AOX1: variants seen among roughly 807,000 people sequenced by gnomAD.
The protein encoded by AOX1 is aldehyde oxidase 1.
In AOX1, 153 loss-of-function variants were observed where a neutral mutation model predicts 169.5. The observed-to-expected ratio is 0.90, with a 90% CI of 0.79 to 1.03. The LOEUF (loss-of-function observed/expected upper bound fraction) is 1.03. Ranked by LOEUF, AOX1 falls within the 50% of genes least tolerant of loss-of-function variation. The probability of loss-of-function intolerance (pLI) is 0.00; values close to 1 mark genes in which losing one functional copy is unlikely to be tolerated. For missense variants in AOX1, 1,656 were observed against 1,663.9 expected (o/e 1.00, Z 0.08); for synonymous variants, 562 against 581.9 (o/e 0.97, Z 0.49).
intron 26 of AOX1, among the ~76,000 whole-genome samples, chr2:200,652,102 G>A (rs1475187064): frequency 1.3e-5 from 2 of 152,270 alleles, no homozygotes; most frequent in African/African-American, 2.4e-5. Flanking sequence ...GGGGAGCTTC[G>A]AGAGGGGCGT....
intron 29 of AOX1, among the ~76,000 whole-genome samples, chr2:200,660,567 T>C (rs1307752350): frequency 6.6e-6 from 1 of 152,224 alleles, no homozygotes; most frequent in Non-Finnish European, 1.5e-5. Flanking sequence ...CTTCCTTTGA[T>C]CTGCTTATAA....
intron 20 of AOX1, among the ~76,000 whole-genome samples, chr2:200,629,029 C>T (rs1274545509): frequency 1.3e-5 from 2 of 152,198 alleles, no homozygotes; most frequent in African/African-American, 2.4e-5. Context: ...AGACACATCC[C>T]ATCCTGAGTG....
Position 200,593,182 on chromosome 2 carries a change from T to C in AOX1, c.82T>C (p.Leu28=). 1 of 1,613,816 alleles carries C rather than the reference T, an allele frequency of 6.2e-7. No individual in the cohort carries two copies. The highest frequency in any genetic ancestry group is 1.1e-5 in the South Asian group (1 of 91,070). ...EKNVDPETML[L]PYLRKKLRLT... is the part of the protein sequence containing the mutation. ...AAATGTCGATCCTGAAACAATGCTG[T>C]TGCCTTATTTGAGGAAGAAGCGTAT... Residue 28 remains leucine (L), a synonymous_variant, in exon 2 of 35, where the codon TTG becomes CTG. Coordinates refer to ENST00000374700, the MANE Select transcript of AOX1 (RefSeq NM_001159.4).
At chr2:200,588,685 T>A (rs2034090920) in intron 1 of AOX1, among the ~76,000 whole-genome samples, 1 of 147,398 alleles carries the variant, frequency 6.8e-6, no homozygotes, top group East Asian at 2.0e-4. Context: ...CGGTACTTAA[T>A]AAACAAGCCT....
intron 20 of AOX1, among the ~76,000 whole-genome samples, chr2:200,627,969 C>T (rs1333605470): frequency 6.6e-6 from 1 of 152,084 alleles, no homozygotes; most frequent in Non-Finnish European, 1.5e-5. Context: ...CTTCCTCTTC[C>T]CTTCCCTTTC....
chr2:200,603,371 A>G lies in AOX1; in HGVS notation c.588+15A>G, dbSNP rs201052951. The stretch of plus-strand genomic sequence containing the variant: ...AAGGAAGTAAGGTCAGTGAAATGTA[A>G]AGCTTTTATAAGGCTTTCTCAGGAC... On this transcript the variant is annotated intron_variant, in intron 7 of 34. Transcript: ENST00000374700. 102 of 1,594,610 alleles carry G rather than the reference A, an allele frequency of 6.4e-5. No individual in the cohort carries two copies. In the African/African-American group the frequency reaches 1.3e-3, roughly 20 times the overall value.
Position 200,670,744 on chromosome 2 carries a change from G to A in AOX1, c.*65G>A. The A allele has an allele frequency of 7.7e-7, 1 of 1,296,278 alleles. No individual in the cohort carries two copies. The highest frequency in any genetic ancestry group is 2.3e-5 in the East Asian group (1 of 42,920). The allele number at this position is 1,296,278 out of a possible 1,614,324, so 80.3% of individuals were successfully genotyped here. On this transcript the variant is annotated 3_prime_UTR_variant, in exon 35 of 35. Transcript: ENST00000374700. Reference sequence around the variant, plus strand: ...CCAGATGGCAATCTGTCCTATCTCTGTGCTGGAAGATGCTAGATCTGAAAG... The same window carrying A: ...CCAGATGGCAATCTGTCCTATCTCTATGCTGGAAGATGCTAGATCTGAAAG...
intron 1 of AOX1, among the ~76,000 whole-genome samples, chr2:200,586,733 G>C (rs2034041957): frequency 6.6e-6 from 1 of 152,220 alleles, no homozygotes; most frequent in Non-Finnish European, 1.5e-5. Context: ...ACCCAAGTCA[G>C]GCTCTGGGGG....
At chr2:200,643,906 G>A (rs949378384) in intron 25 of AOX1, among the ~76,000 whole-genome samples, 10 of 151,972 alleles carry the variant, frequency 6.6e-5, no homozygotes, top group South Asian at 4.2e-4. Context: ...TGATGGGGTC[G>A]TTTGTTTTTT....
At chr2:200,678,530 G>T (rs1574972842), downstream of AOX1, 1 of 152,148 alleles carries the variant, frequency 6.6e-6, no homozygotes. Flanking sequence ...ATCAAGCCAA[G>T]GAAATAAGAT....
intron 16 of AOX1, among the ~76,000 whole-genome samples, chr2:200,617,201 A>G (rs1403869991): frequency 2.0e-5 from 3 of 150,828 alleles, no homozygotes; most frequent in Non-Finnish European, 4.5e-5. Context: ...TTTTAGATGC[A>G]ATATGTCTGC....
intron 31 of AOX1, among the ~76,000 whole-genome samples, chr2:200,663,497 C>T (rs911890626): frequency 6.6e-5 from 10 of 151,622 alleles, no homozygotes; most frequent in African/African-American, 2.4e-4. Context: ...TAAGAGCATC[C>T]TTATGCTTTC....
intron 7 of AOX1, 47 bp downstream of exon 7, chr2:200,603,403 A>G: frequency 6.9e-7 from 1 of 1,454,688 alleles, no homozygotes; most frequent in Non-Finnish European, 9.6e-7. Context: ...GGACATGAAC[A>G]GGAGCCAACA....
intron 5 of AOX1, 109 bp downstream of exon 5, chr2:200,599,855 G>A: frequency 1.1e-6 from 1 of 915,164 alleles, no homozygotes. Context: ...CGCAATCTTG[G>A]CCCCACTGTA....
intron 23 of AOX1, 94 bp downstream of exon 23, chr2:200,638,396 G>A: frequency 9.5e-7 from 1 of 1,052,194 alleles, no homozygotes; most frequent in Non-Finnish European, 1.5e-6. Flanking sequence ...CTAGTGGGGA[G>A]TAACAATGAG....
Position 200,659,288 on chromosome 2 carries a change from G to C in AOX1, c.3295G>C (p.Val1099Leu), listed in dbSNP as rs1269531185. 3.7e-6 allele frequency: 6 copies of C among 1,613,088 alleles called. No homozygotes were observed. The highest frequency in any genetic ancestry group is 5.1e-6 in the Non-Finnish European group (6 of 1,179,468). The change falls in exon 28 of 35, where the codon GTA becomes CTA. Residue 1099 changes from valine to leucine, a missense_variant. By Grantham distance (32) the Val-to-Leu change is conservative. Transcript: ENST00000374700. Reference sequence around the variant, plus strand: ...GGTGGCAGATCTCAACGGTTTGGCAGTAAAGGTAACAGTCACTGCAGTGGC... The same window carrying C: ...GGTGGCAGATCTCAACGGTTTGGCACTAAAGGTAACAGTCACTGCAGTGGC... ...SVVADLNGLA[V>L]KDACQTLLKR...
At chr2:200,609,511 C>T (rs10497865) in intron 12 of AOX1, 97 bp downstream of exon 12, 133,535 of 1,019,020 alleles carry the variant, frequency 0.13, 10,117 homozygotes, top group Non-Finnish European at 0.16. Context: ...ATGACTTTTC[C>T]CTATAATATC....
intron 27 of AOX1, among the ~76,000 whole-genome samples, chr2:200,658,636 G>A (rs2035742196): frequency 6.6e-6 from 1 of 152,224 alleles, no homozygotes; most frequent in African/African-American, 2.4e-5. Flanking sequence ...AAAGAATAAA[G>A]CAGCCAGCTA....
chr2:200,655,481 A>G (rs1370538095), intron 26 of AOX1, among the ~76,000 whole-genome samples: 1 of 152,068 alleles, frequency 6.6e-6, no homozygotes, highest in Non-Finnish European at 1.5e-5. Context: ...ACTCTATTAC[A>G]TCTTCCCAAG....
Sources: allele counts gnomAD v4.1 joint callset (sites outside exome capture counted in the v4.1 genomes callset), GRCh38; gene constraint gnomAD v4.1.1; transcripts MANE v1.5; gene names NCBI Gene and HGNC (gene_info 2026-07-23, HGNC 2026-07-21).